ADGRE5: variants seen among roughly 807,000 people sequenced by gnomAD.
The protein encoded by ADGRE5 is adhesion G protein-coupled receptor E5, also known as CD97 molecule.
Under a neutral mutation model 100.3 loss-of-function variants are expected in ADGRE5, and 72 were observed. The observed-to-expected ratio is 0.72, with a 90% CI of 0.59 to 0.87. ADGRE5 has a LOEUF of 0.87. Among genes scored for constraint, ADGRE5 ranks in the 40% least tolerant of loss-of-function variants. The pLI, the probability that ADGRE5 is intolerant of heterozygous loss-of-function variation, is 0.00. For synonymous variants in ADGRE5, 439 were observed against 447.8 expected (o/e 0.98, Z 0.25); for missense variants, 959 against 1,094.7 (o/e 0.88, Z 1.75).
At chr19:14,390,226 T>G (rs1262151966) in intron 3 of ADGRE5, among the ~76,000 whole-genome samples, 1 of 151,460 alleles carries the variant, frequency 6.6e-6, no homozygotes, top group Non-Finnish European at 1.5e-5. Flanking sequence ...CATGGCTTCC[T>G]GGAGAGAGAG....
At position 14,406,986 on chromosome 19, in the gene ADGRE5, G is replaced by A. The variant is rs755016662; in HGVS notation, c.2207+26G>A. 1 of 1,613,804 alleles carries A rather than the reference G, an allele frequency of 6.2e-7. No homozygotes were observed. The highest frequency in any genetic ancestry group is 2.2e-5 in the East Asian group (1 of 44,880). On this transcript the variant is annotated intron_variant, in intron 17 of 19. Coordinates refer to ENST00000242786, the MANE Select transcript of ADGRE5 (RefSeq NM_078481.4). This position sits in a 1 kb window ranked among gnomAD's most constrained non-coding sequence, Gnocchi z 6.0. ...GTGAGAGGAGAGGCTGGAAGGACTTGGAGGCGGGGCCGGGGTGAGGGGCAT... is the reference window on the plus strand; with the variant it reads ...GTGAGAGGAGAGGCTGGAAGGACTTAGAGGCGGGGCCGGGGTGAGGGGCAT...
At position 14,398,831 on chromosome 19, in the gene ADGRE5, T is replaced by G. The variant is rs192628739; in HGVS notation, c.897+692T>G. ...TTGGGGGTTGTGGTGTGTTTTTTTT[T>G]GTTTGTTTGCGTTTTTTTTTTTTAT... On this transcript the variant is annotated intron_variant, in intron 9 of 19. Transcript: ENST00000242786. Among the ~76,000 whole-genome samples, 483 of 151,154 alleles carry G rather than the reference T, an allele frequency of 3.2e-3. 7 individuals are homozygous for G. The highest frequency in any genetic ancestry group is 9.1e-4 in the Non-Finnish European group (62 of 67,824).
intron 1 of ADGRE5, among the ~76,000 whole-genome samples, chr19:14,385,259 G>C (rs1975304601): frequency 6.6e-6 from 1 of 151,910 alleles, no homozygotes; most frequent in Non-Finnish European, 1.5e-5. Context: ...TGATCCATCT[G>C]CCTCGGCCTC....
intron 1 of ADGRE5, among the ~76,000 whole-genome samples, chr19:14,387,357 G>A (rs1041124954): frequency 1.6e-4 from 24 of 151,812 alleles, no homozygotes; most frequent in African/African-American, 5.3e-4. Context: ...AGGCTGAGGC[G>A]GGGAGGATCG....
intron 1 of ADGRE5, among the ~76,000 whole-genome samples, chr19:14,383,756 CAG>C (rs914282170): frequency 3.3e-5 from 5 of 151,676 alleles, no homozygotes; most frequent in Non-Finnish European, 5.9e-5. Context: ...TCCAAGGCCC[CAG>C]ATGGAGGCAG....
intron 13 of ADGRE5, chr19:14,405,170 G>T (rs1240197041): frequency 6.6e-6 from 1 of 152,242 alleles, no homozygotes; most frequent in Non-Finnish European, 1.5e-5. Context: ...TTTGGACAGA[G>T]TCTTGCTCTA....
chr19:14,383,727 G>A (rs548151359), intron 1 of ADGRE5, among the ~76,000 whole-genome samples: 2 of 151,362 alleles, frequency 1.3e-5, no homozygotes, highest in Admixed American at 1.3e-4. Context: ...CTTCTCTCCC[G>A]GCTTCTGTTT....
rs1428069889 is a variant in ADGRE5 at position 14,404,449 on chromosome 19, G to C, written c.1516G>C (p.Gly506Arg). 1 of 1,612,272 alleles carries C rather than the reference G, an allele frequency of 6.2e-7. No homozygotes were observed. Among genetic ancestry groups the C allele is most frequent in the Non-Finnish European group, 8.5e-7 (1 of 1,179,760 alleles). ...AFWKSDSDRGGHWATEGCQVL... is the reference protein window; with the variant it reads ...AFWKSDSDRGRHWATEGCQVL... ...CTGGAAGAGTGACAGCGACAGGGGA[G>C]GGCACTGGGCCACCGAGGGCTGCCA... Residue 506 changes from glycine (G) to arginine (R), a missense_variant, in exon 13 of 20, where the codon GGG (glycine) becomes CGG (arginine). This residue lies in a region of ADGRE5 where 19 missense variants were observed against 46.8 expected (regional missense o/e 0.41). Transcript: ENST00000242786.
Position 14,408,385 on chromosome 19 carries a change from G to C in ADGRE5, c.*264G>C. The C allele has an allele frequency of 5.0e-6, 3 of 603,922 alleles. No individual in the cohort carries two copies. The highest frequency in any genetic ancestry group is 8.9e-6 in the Non-Finnish European group (3 of 337,590). 37.4% of individuals were successfully genotyped at this position (603,922 alleles called of 1,614,324 possible). On this transcript the variant is annotated 3_prime_UTR_variant, in exon 20 of 20. Transcript: ENST00000242786. Reference sequence around the variant, plus strand: ...AGGGTGGGGACAGGGGCTGGCCCAGGGCTGCAATGCAGCATGTTGCCCTGG... The same window carrying C: ...AGGGTGGGGACAGGGGCTGGCCCAGCGCTGCAATGCAGCATGTTGCCCTGG...
At chr19:14,398,575 T>G (rs1389902949) in intron 9 of ADGRE5, among the ~76,000 whole-genome samples, 1 of 148,150 alleles carries the variant, frequency 6.7e-6, no homozygotes, top group Admixed American at 7.0e-5. Flanking sequence ...CTCAGCAGGC[T>G]GAGGCAGGAC....
intron 4 of ADGRE5, among the ~76,000 whole-genome samples, chr19:14,391,744 GA>G (rs1303279401): frequency 6.6e-6 from 1 of 150,564 alleles, no homozygotes; most frequent in Non-Finnish European, 1.5e-5. Context: ...CTCTAAAAAA[GA>G]AAAAATCAAA....
Position 14,407,051 on chromosome 19 carries a change from C to G in ADGRE5, c.2208-10C>G. ...GGTGGGGGCCCACGCTGCAACCCCG[C>G]TCCTCGCAGGGCGCTGACCATCACG... On this transcript the variant is annotated splice_polypyrimidine_tract_variant and intron_variant, in intron 17 of 19. Coordinates refer to ENST00000242786, the MANE Select transcript of ADGRE5 (RefSeq NM_078481.4). The G allele has an allele frequency of 1.2e-6, 2 of 1,613,974 alleles. No homozygotes were observed. Among genetic ancestry groups the G allele is most frequent in the Admixed American group, 1.7e-5 (1 of 60,022 alleles).
chr19:14,404,637 C>A, intron 13 of ADGRE5, 75 bp downstream of exon 13: 3 of 1,419,346 alleles, frequency 2.1e-6, no homozygotes, highest in East Asian at 2.4e-5. Context: ...AGCTAGTTCT[C>A]CATGGAGCCC....
At chr19:14,398,252 C>T in intron 9 of ADGRE5, 113 bp downstream of exon 9, 1 of 893,018 alleles carries the variant, frequency 1.1e-6, no homozygotes, top group Non-Finnish European at 1.8e-6. Context: ...CAGAGACACA[C>T]ATGCGCATAA....
rs763780649 is a variant in ADGRE5, at chr19:14,406,861, C to T, written c.2116-8C>T. On this transcript the variant is annotated splice_polypyrimidine_tract_variant and splice_region_variant and intron_variant, in intron 16 of 19. Coordinates refer to ENST00000242786, the MANE Select transcript of ADGRE5 (RefSeq NM_078481.4). The surrounding 1 kb of genome is among the most constrained non-coding windows in gnomAD (Gnocchi z 6.0). ...CGCCCTCTAACCCACAATCTGCTCC[C>T]TGCCCAGTGCAATGCTGTCATTTTC... is the stretch of plus-strand genomic sequence containing the variant. 2.5e-6 allele frequency: 4 copies of T among 1,613,838 alleles called. No individual in the cohort carries two copies. Among genetic ancestry groups the T allele is most frequent in the South Asian group, 1.1e-5 (1 of 91,078 alleles).
rs753955991 is a variant in ADGRE5, at chr19:14,390,962, G to A, written c.229G>A (p.Gly77Arg). ...ECATPSKVSCGKFSDCWNTEG... is the reference protein window; with the variant it reads ...ECATPSKVSCRKFSDCWNTEG... ...TGCAACACCGTCGAAAGTGTCATGCGGAAAATTCTCGGACTGCTGGAACAC... is the reference window on the plus strand; with the variant it reads ...TGCAACACCGTCGAAAGTGTCATGCAGAAAATTCTCGGACTGCTGGAACAC... The change falls in exon 4 of 20, where the codon GGA becomes AGA. Residue 77 changes from glycine (G) to arginine (R), a missense_variant. Coordinates refer to ENST00000242786, the MANE Select transcript of ADGRE5 (RefSeq NM_078481.4). 6.8e-6 allele frequency: 11 copies of A among 1,614,104 alleles called. No homozygotes were observed. The highest frequency in any genetic ancestry group is 2.2e-5 in the East Asian group (1 of 44,898).
At chr19:14,404,752 A>G (rs908860779) in intron 13 of ADGRE5, 190 bp downstream of exon 13, 6 of 561,228 alleles carry the variant, frequency 1.1e-5, no homozygotes, top group Non-Finnish European at 1.5e-5. Context: ...CCCAGCAACT[A>G]TACACTGGGT....
At chr19:14,396,080 G>T (rs1331758859) in intron 4 of ADGRE5, among the ~76,000 whole-genome samples, 2 of 152,208 alleles carry the variant, frequency 1.3e-5, no homozygotes, top group Admixed American at 1.3e-4. Flanking sequence ...CTTAGGCTGG[G>T]ACACAGATGG....
In ADGRE5 at chr19:14,403,864, CTTTTTTTTTTTTT is replaced by C. The variant is rs58411522; in HGVS notation, c.1450-502_1450-490del. Among the ~76,000 whole-genome samples the C allele has an allele frequency of 7.8e-4, 58 of 74,302 alleles. 1 individual carries two copies. The highest frequency in any genetic ancestry group is 2.6e-3 in the Admixed American group (16 of 6,092). The allele number at this position is 74,302 out of a possible 152,430, so 48.7% of individuals were successfully genotyped here. On this transcript the variant is annotated intron_variant, in intron 12 of 19. Transcript: ENST00000242786. ...TTTATGTCATAATCTGCCTCTCCCA[CTTTTTTTTTTTTT>C]TTTTTTTTTTTTTTTTGAGATGGAG...
Sources: allele counts gnomAD v4.1 joint callset (sites outside exome capture counted in the v4.1 genomes callset), GRCh38; gene constraint gnomAD v4.1.1; regional missense constraint gnomAD v4.1.1; non-coding constraint Gnocchi (gnomAD v3.1); transcripts MANE v1.5; gene names NCBI Gene and HGNC (gene_info 2026-07-23, HGNC 2026-07-21).